Variants in FGF18 observed in about 807,000 individuals in gnomAD.
FGF18 encodes the protein fibroblast growth factor 18.
In FGF18, 5 loss-of-function variants were observed where a neutral mutation model predicts 23.0. The observed-to-expected ratio is 0.22, with a 90% CI of 0.11 to 0.46. The LOEUF is 0.46. FGF18 is among the 20% of genes least tolerant of loss of function. The pLI is 0.99. For synonymous variants in FGF18, 117 were observed against 118.9 expected (o/e 0.98, Z 0.10); for missense variants, 180 against 291.6 (o/e 0.62, Z 2.79).
intron 3 of FGF18, among the ~76,000 whole-genome samples, chr5:171,438,099 C>CTTTTT (rs372013681): frequency 2.2e-5 from 3 of 135,692 alleles, no homozygotes; most frequent in Admixed American, 7.3e-5. Flanking sequence ...TTTTTCTTTT[C>CTTTTT]TTTTTTTTTT....
chr5:171,449,427 GGAGA>G (rs753821843), intron 4 of FGF18, among the ~76,000 whole-genome samples, 174 bp downstream of exon 4: 1 of 146,458 alleles, frequency 6.8e-6, no homozygotes, highest in African/African-American at 2.5e-5. Context: ...GAGAGAGACA[GGAGA>G]GAGAGAGAGA....
intron 2 of FGF18, among the ~76,000 whole-genome samples, chr5:171,423,140 G>A (rs1378002031): frequency 1.3e-5 from 2 of 152,120 alleles, no homozygotes; most frequent in Non-Finnish European, 2.9e-5. Context: ...CCCCAGCTAC[G>A]TTTCCATGAG....
intron 2 of FGF18, among the ~76,000 whole-genome samples, chr5:171,424,071 T>C (rs1772058470): frequency 6.6e-6 from 1 of 152,138 alleles, no homozygotes; most frequent in Non-Finnish European, 1.5e-5. Flanking sequence ...GCCTTTTAAT[T>C]TCCTAAAGCA....
chr5:171,440,336 A>C lies in FGF18; in HGVS notation c.250+4063A>C, dbSNP rs968223594. Among the ~76,000 whole-genome samples, 5 of 152,150 alleles carry C rather than the reference A, an allele frequency of 3.3e-5. No homozygotes were observed. Among genetic ancestry groups the C allele is most frequent in the African/African-American group, 1.2e-4 (5 of 41,470 alleles). On this transcript the variant is annotated intron_variant, in intron 3 of 4. Transcript: ENST00000274625. The surrounding 1 kb of genome is among the most constrained non-coding windows in gnomAD (Gnocchi z 4.0). ...AGAAGCGGTACTCCTGTCTGCTGTC[A>C]GTGGGACCTGGCAGGTTAGATGCAG...
chr5:171,428,055 G>A (rs918158190), intron 2 of FGF18, among the ~76,000 whole-genome samples: 5 of 152,222 alleles, frequency 3.3e-5, no homozygotes, highest in Admixed American at 6.5e-5. Flanking sequence ...CATAGCGCCT[G>A]GCTCATGATA....
intron 3 of FGF18, among the ~76,000 whole-genome samples, chr5:171,443,582 T>C (rs1335530110): frequency 3.5e-5 from 5 of 144,812 alleles, no homozygotes; most frequent in Non-Finnish European, 7.5e-5. Flanking sequence ...CGATTCCTGA[T>C]CTTGTGATCC....
At chr5:171,420,360 C>T (rs867695972) in intron 1 of FGF18, 47 bp from the exon 2 acceptor site, 18 of 1,610,998 alleles carry the variant, frequency 1.1e-5, no homozygotes, top group Admixed American at 3.3e-5. Context: ...GTCCGTGCGC[C>T]CCCTTCCTCA....
chr5:171,437,401 G>T (rs1258471079), intron 3 of FGF18, among the ~76,000 whole-genome samples: 1 of 152,230 alleles, frequency 6.6e-6, no homozygotes, highest in Non-Finnish European at 1.5e-5. Flanking sequence ...GCCAGGCCAG[G>T]CTGGGCAGGG....
At position 171,443,500 on chromosome 5, in the gene FGF18, C is replaced by CTTTTTTTTTTTTTTTTTTTTTT. The variant is rs766926286; in HGVS notation, c.251-5647_251-5646insTTTTTTTTTTTTTTTTTTTTTT. Among the ~76,000 whole-genome samples, 30 of 70,404 alleles carry CTTTTTTTTTTTTTTTTTTTTTT rather than the reference C, an allele frequency of 4.3e-4. 5 individuals are homozygous for CTTTTTTTTTTTTTTTTTTTTTT. Among genetic ancestry groups the CTTTTTTTTTTTTTTTTTTTTTT allele is most frequent in the Middle Eastern group, 0.01 (1 of 98 alleles). The allele number at this position is 70,404 out of a possible 152,430, so 46.2% of individuals were successfully genotyped here. ...TCAGATAAGTATTCACTGTTATCAT[C>CTTTTTTTTTTTTTTTTTTTTTT]ATTTTTTTTTTTTTTTTTTTTTTTT... On this transcript the variant is annotated intron_variant, in intron 3 of 4. Coordinates refer to ENST00000274625, the MANE Select transcript of FGF18 (RefSeq NM_003862.3).
At chr5:171,424,713 T>A (rs1458054434) in intron 2 of FGF18, among the ~76,000 whole-genome samples, 1 of 152,086 alleles carries the variant, frequency 6.6e-6, no homozygotes, top group Non-Finnish European at 1.5e-5. Context: ...CTTGAGGGTG[T>A]CTGACTTGGA....
intron 3 of FGF18, among the ~76,000 whole-genome samples, chr5:171,438,256 C>G (rs895383145): frequency 1.5e-4 from 23 of 151,990 alleles, no homozygotes; most frequent in African/African-American, 4.8e-4. Flanking sequence ...CGCCCACCAC[C>G]ACGCCTGGCT....
In FGF18 at chr5:171,436,460, T is replaced by C. The variant is rs1772247830; in HGVS notation, c.250+187T>C. Among the ~76,000 whole-genome samples the C allele has an allele frequency of 6.6e-6, 1 of 152,186 alleles. No individual in the cohort carries two copies. Among genetic ancestry groups the C allele is most frequent in the Non-Finnish European group, 1.5e-5 (1 of 68,040 alleles). On this transcript the variant is annotated intron_variant, in intron 3 of 4. Coordinates refer to ENST00000274625, the MANE Select transcript of FGF18 (RefSeq NM_003862.3). This position sits in a 1 kb window ranked among gnomAD's most constrained non-coding sequence, Gnocchi z 4.4. ...ATGCAATAGTGAATCCTTGAGAGCA[T>C]TGTCAGGAGTACTAACTGAAGATGT...
intron 2 of FGF18, among the ~76,000 whole-genome samples, chr5:171,432,049 A>G (rs1772189257): frequency 6.6e-6 from 1 of 152,164 alleles, no homozygotes; most frequent in Non-Finnish European, 1.5e-5. Flanking sequence ...ACTCAGTCTC[A>G]AAAAAGAAAA....
intron 3 of FGF18, among the ~76,000 whole-genome samples, chr5:171,446,864 T>A (rs1016341631): frequency 2.0e-5 from 3 of 152,170 alleles, no homozygotes; most frequent in African/African-American, 7.2e-5. Flanking sequence ...CTGGTCCATT[T>A]TGCAGTGTGG....
Position 171,436,290 on chromosome 5 carries a change from T to TGAGGAGAGGGTA in FGF18, c.250+17_250+18insGAGGAGAGGGTA. The TGAGGAGAGGGTA allele has an allele frequency of 6.6e-7, 1 of 1,517,096 alleles. No individual in the cohort carries two copies. Among genetic ancestry groups the TGAGGAGAGGGTA allele is most frequent in the Non-Finnish European group, 8.9e-7 (1 of 1,126,364 alleles). The allele number at this position is 1,517,096 out of a possible 1,614,324, so 94.0% of individuals were successfully genotyped here. ...ACAAGTATGGTATGTGCCAACCCTC[T>TGAGGAGAGGGTA]CCTCCTACTCCGTGTACCCGTGTAC... On this transcript the variant is annotated intron_variant, in intron 3 of 4. Coordinates refer to ENST00000274625, the MANE Select transcript of FGF18 (RefSeq NM_003862.3). The surrounding 1 kb of genome is among the most constrained non-coding windows in gnomAD (Gnocchi z 4.4).
intron 4 of FGF18, among the ~76,000 whole-genome samples, chr5:171,453,908 G>A (rs1772548478): frequency 6.6e-6 from 1 of 151,956 alleles, no homozygotes; most frequent in African/African-American, 2.4e-5. Flanking sequence ...CCCCTTTCAT[G>A]TGTCATCCCA....
At chr5:171,424,179 G>A (rs1772059627) in intron 2 of FGF18, among the ~76,000 whole-genome samples, 1 of 152,180 alleles carries the variant, frequency 6.6e-6, no homozygotes, top group East Asian at 1.9e-4. Context: ...TCAGTCCCTG[G>A]CCTCCAAGAG....
intron 4 of FGF18, among the ~76,000 whole-genome samples, chr5:171,453,690 G>C (rs1167933715): frequency 6.6e-6 from 1 of 152,180 alleles, no homozygotes; most frequent in African/African-American, 2.4e-5. Flanking sequence ...TGCAGTAATG[G>C]AAGTAGCAAT....
chr5:171,429,166 T>G (rs531813858), intron 2 of FGF18, among the ~76,000 whole-genome samples: 21 of 152,232 alleles, frequency 1.4e-4, no homozygotes, highest in African/African-American at 4.8e-4. Context: ...AGATTCAGGG[T>G]GGGCCCGGCC....
Sources: gnomAD v4.1 joint callset for allele counts (sites outside exome capture counted in the v4.1 genomes callset) on GRCh38, gnomAD v4.1.1 for gene constraint, Gnocchi (gnomAD v3.1) non-coding constraint, MANE v1.5 for transcripts, NCBI Gene and HGNC (gene_info 2026-07-23, HGNC 2026-07-21) for gene names.